Variants in ZNF362 observed in about 807,000 individuals in gnomAD.
The protein encoded by ZNF362 is rotund homolog.
ZNF362 carries 11 observed loss-of-function variants against 42.9 expected under a neutral mutation model. The observed-to-expected ratio is 0.26, with a 90% CI of 0.16 to 0.42. The LOEUF (loss-of-function observed/expected upper bound fraction) is 0.42, where lower values mean the gene tolerates loss of function less well. ZNF362 is among the 20% of genes least tolerant of loss of function. The pLI is 1.00. For synonymous variants in ZNF362, 255 were observed against 257.3 expected (o/e 0.99, Z 0.09); for missense variants, 362 against 576.2 (o/e 0.63, Z 3.81).
chr1:33,204,369 A>G, the ZNF362 span, among the ~76,000 whole-genome samples: 1 of 152,176 alleles, frequency 6.6e-6, no homozygotes, highest in East Asian at 1.9e-4. Flanking sequence ...TGTTTTGATT[A>G]CCATACCTTT....
At chr1:33,138,376 G>C in the ZNF362 span, among the ~76,000 whole-genome samples, 2 of 152,154 alleles carry the variant, frequency 1.3e-5, no homozygotes, top group Admixed American at 1.3e-4. Context: ...TAGAAAAAAG[G>C]CTGGTCTAGG....
At chr1:33,156,023 C>A in the ZNF362 span, among the ~76,000 whole-genome samples, 1 of 152,220 alleles carries the variant, frequency 6.6e-6, no homozygotes, top group Non-Finnish European at 1.5e-5. Flanking sequence ...GCCCCACTGG[C>A]TTTGGTGCCC....
the ZNF362 span, chr1:33,147,841 C>G: frequency 8.5e-7 from 1 of 1,172,186 alleles, no homozygotes; most frequent in South Asian, 1.5e-5. This position sits in a 1 kb window ranked among gnomAD's most constrained non-coding sequence, Gnocchi z 8.1. Flanking sequence ...CTCTGACCTG[C>G]TGTGTGACCT....
chr1:33,258,694 T>C (rs1392419322), intron 1 of ZNF362, among the ~76,000 whole-genome samples: 2 of 152,154 alleles, frequency 1.3e-5, no homozygotes, highest in Non-Finnish European at 2.9e-5. Flanking sequence ...AGAACTGGAC[T>C]AGAATGGGAC....
At chr1:33,231,791 A>G in the ZNF362 span, among the ~76,000 whole-genome samples, 1 of 152,280 alleles carries the variant, frequency 6.6e-6, no homozygotes, top group African/African-American at 2.4e-5. Context: ...AGCTGGACCA[A>G]GGGGGTACAA....
chr1:33,275,560 T>C (rs992003911), intron 2 of ZNF362, among the ~76,000 whole-genome samples: 1 of 152,228 alleles, frequency 6.6e-6, no homozygotes, highest in African/African-American at 2.4e-5. Flanking sequence ...TCACTGTAAA[T>C]TGTCCTGCCA....
At chr1:33,192,508 G>A in the ZNF362 span, among the ~76,000 whole-genome samples, 1 of 152,186 alleles carries the variant, frequency 6.6e-6, no homozygotes, top group South Asian at 2.1e-4. Flanking sequence ...TGACTATTTG[G>A]GTAGAGAAGT....
At chr1:33,182,468 C>T in the ZNF362 span, among the ~76,000 whole-genome samples, 1,369 of 152,366 alleles carry the variant, frequency 9.0e-3, 17 homozygotes, top group Non-Finnish European at 0.013. Context: ...AAGGCCCTCA[C>T]ACTCCTAAGC....
the ZNF362 span, among the ~76,000 whole-genome samples, chr1:33,213,349 T>A: frequency 6.6e-6 from 1 of 152,118 alleles, no homozygotes; most frequent in African/African-American, 2.4e-5. Context: ...CATATATACA[T>A]AACAACCTCT....
chr1:33,174,998 CAT>C, the ZNF362 span, among the ~76,000 whole-genome samples: 13 of 40,706 alleles, frequency 3.2e-4, no homozygotes, highest in Non-Finnish European at 4.5e-4. Flanking sequence ...TGCACACACA[CAT>C]GTATGTATAT....
At chr1:33,254,123 G>GTTTTGTGTCT (rs56082717), upstream of ZNF362, among the ~76,000 whole-genome samples, 1 of 151,306 alleles carries the variant, frequency 6.6e-6, no homozygotes, top group East Asian at 1.9e-4. Context: ...ACATTTAGTA[G>GTTTTGTGTCT]TTCGTCTGTT....
intron 1 of ZNF362, among the ~76,000 whole-genome samples, chr1:33,258,506 G>A (rs1372778475): frequency 6.6e-6 from 1 of 152,162 alleles, no homozygotes; most frequent in Non-Finnish European, 1.5e-5. Flanking sequence ...AGGGTACCAA[G>A]CCAGGTGGTT....
chr1:33,270,310 G>A (rs191867656), intron 1 of ZNF362, among the ~76,000 whole-genome samples, 177 bp from the exon 2 acceptor site: 3 of 152,166 alleles, frequency 2.0e-5, no homozygotes, highest in Non-Finnish European at 4.4e-5. Flanking sequence ...TACTAGCTGT[G>A]TGATTTGGGG....
At chr1:33,188,231 A>AAAACAAAC in the ZNF362 span, among the ~76,000 whole-genome samples, 533 of 151,886 alleles carry the variant, frequency 3.5e-3, 8 homozygotes, top group African/African-American at 0.012. Context: ...ACTTCATCTC[A>AAAACAAAC]AAACAAACAA....
chr1:33,155,212 C>T, the ZNF362 span, among the ~76,000 whole-genome samples: 48 of 151,792 alleles, frequency 3.2e-4, no homozygotes, highest in Admixed American at 2.5e-3. Flanking sequence ...ATTGGGATTA[C>T]AGGCGTGTAC....
At chr1:33,202,017 A>AT in the ZNF362 span, among the ~76,000 whole-genome samples, 1 of 152,226 alleles carries the variant, frequency 6.6e-6, no homozygotes, top group Non-Finnish European at 1.5e-5. Flanking sequence ...GATAACTTAG[A>AT]TGAAATGGAC....
chr1:33,210,653 T>G, the ZNF362 span, among the ~76,000 whole-genome samples: 2 of 152,188 alleles, frequency 1.3e-5, no homozygotes, highest in Non-Finnish European at 2.9e-5. Flanking sequence ...CTCTTCTTGG[T>G]GAATTGATCC....
At chr1:33,256,157 A>G (rs1407210779), upstream of ZNF362, among the ~76,000 whole-genome samples, 1 of 147,996 alleles carries the variant, frequency 6.8e-6, no homozygotes, top group African/African-American at 2.5e-5. Flanking sequence ...GGCGCAGCGC[A>G]ACTTTGCCAG....
At chr1:33,181,640 C>T in the ZNF362 span, 1 of 897,272 alleles carries the variant, frequency 1.1e-6, no homozygotes, top group Non-Finnish European at 1.6e-6. This position sits in a 1 kb window ranked among gnomAD's most constrained non-coding sequence, Gnocchi z 6.5. Context: ...GGGACGCCAG[C>T]CCGGGAGGGC....
Sources: gnomAD v4.1 joint callset for allele counts (sites outside exome capture counted in the v4.1 genomes callset) on GRCh38, gnomAD v4.1.1 for gene constraint, Gnocchi (gnomAD v3.1) non-coding constraint, MANE v1.5 for transcripts, NCBI Gene and HGNC (gene_info 2026-07-23, HGNC 2026-07-21) for gene names.